CEP72: variants seen among roughly 807,000 people sequenced by gnomAD.
CEP72 encodes centrosomal protein 72.
A neutral mutation model predicts 65.7 loss-of-function variants in CEP72; 78 were observed. The observed-to-expected ratio is 1.19, with a 90% CI of 0.99 to 1.43. CEP72 has a LOEUF of 1.43. CEP72 is among the 40% of genes most tolerant of loss of function. The pLI is 0.00. For synonymous variants in CEP72, 358 were observed against 351.7 expected (o/e 1.02, Z -0.20); for missense variants, 914 against 832.9 (o/e 1.10, Z -1.20).
At chr5:646,403 T>C (rs1738427915) in intron 10 of CEP72, among the ~76,000 whole-genome samples, 1 of 152,238 alleles carries the variant, frequency 6.6e-6, no homozygotes, top group African/African-American at 2.4e-5. Flanking sequence ...GCTTCAATAC[T>C]TTCTGCTGCT....
At chr5:625,494 G>A (rs919282199) in intron 4 of CEP72, among the ~76,000 whole-genome samples, 2 of 152,234 alleles carry the variant, frequency 1.3e-5, no homozygotes, top group South Asian at 2.1e-4. Context: ...TTGGCAGCAC[G>A]GAAGCCAGGA....
rs948247794 is a variant in CEP72, at chr5:624,283, C to A, written c.404-188C>A. Among the ~76,000 whole-genome samples the A allele has an allele frequency of 6.6e-6, 1 of 152,194 alleles. No homozygotes were observed. The highest frequency in any genetic ancestry group is 1.5e-5 in the Non-Finnish European group (1 of 68,034). On this transcript the variant is annotated intron_variant, in intron 3 of 11. Transcript: ENST00000264935. The surrounding 1 kb of genome is among the most constrained non-coding windows in gnomAD (Gnocchi z 4.7). ...GCAGTGAGCTCTGAGGGACAGGCGG[C>A]CTCAGCACCACGCTGGGCATCGCCG...
intron 4 of CEP72, among the ~76,000 whole-genome samples, chr5:625,186 C>A (rs1179793196): frequency 3.3e-5 from 5 of 152,156 alleles, no homozygotes; most frequent in Non-Finnish European, 7.3e-5. Flanking sequence ...TGCGTGTATC[C>A]CAAAACCCTA....
chr5:673,753 C>G, the CEP72 span, among the ~76,000 whole-genome samples: 1 of 152,184 alleles, frequency 6.6e-6, no homozygotes, highest in East Asian at 1.9e-4. Flanking sequence ...GGGGGCCAAG[C>G]TTTAGCCCCC....
chr5:616,031 A>AT (rs903193126), intron 1 of CEP72, among the ~76,000 whole-genome samples: 24 of 152,126 alleles, frequency 1.6e-4, no homozygotes, highest in South Asian at 1.0e-3. Flanking sequence ...TAATATTATG[A>AT]TTTTTTTTAA....
At chr5:635,663 C>G (rs1336309273) in intron 6 of CEP72, 79 bp downstream of exon 6, 1 of 1,180,620 alleles carries the variant, frequency 8.5e-7, no homozygotes, top group East Asian at 2.4e-5. Flanking sequence ...AGAACAGAAG[C>G]TTATGTGGCT....
intron 10 of CEP72, 119 bp downstream of exon 10, chr5:644,544 T>G (rs1580005779): frequency 3.3e-6 from 4 of 1,205,908 alleles, no homozygotes; most frequent in Non-Finnish European, 3.6e-6. Flanking sequence ...AGTTGGTAAG[T>G]GGGGAGCCGA....
In CEP72 at chr5:640,465, C is replaced by G. The variant is rs754900239; in HGVS notation, c.1400C>G (p.Ser467Cys). 14 of 1,614,126 alleles carry G rather than the reference C, an allele frequency of 8.7e-6. No individual in the cohort carries two copies. In the South Asian group the frequency reaches 1.4e-4, roughly 16 times the overall value. ...VEEFTAAQDS[S>C]AMVGEDVGSL... ...GAATTCACAGCAGCTCAGGACAGCT[C>G]TGCGATGGTGGGTGAAGATGTCGGC... Residue 467 changes from serine to cysteine, a missense_variant, in exon 9 of 12, where the codon TCT (serine) becomes TGT (cysteine). Physicochemically the swap from Ser to Cys is moderately radical, Grantham distance 112 (BLOSUM62 -1). Coordinates refer to ENST00000264935, the MANE Select transcript of CEP72 (RefSeq NM_018140.4).
the CEP72 span, among the ~76,000 whole-genome samples, chr5:673,252 C>G: frequency 6.6e-6 from 1 of 152,212 alleles, no homozygotes; most frequent in Non-Finnish European, 1.5e-5. Flanking sequence ...TGGCCCTGCT[C>G]CTCTCTCTTC....
intron 11 of CEP72, among the ~76,000 whole-genome samples, chr5:652,547 T>A (rs571603925): frequency 6.6e-6 from 1 of 152,348 alleles, no homozygotes; most frequent in African/African-American, 2.4e-5. Context: ...CTAGGACTCT[T>A]CTATTGCACT....
At chr5:675,388 AGGGTGCAGTGTGGCCAG>A in the CEP72 span, among the ~76,000 whole-genome samples, 11 of 13,808 alleles carry the variant, frequency 8.0e-4, no homozygotes, top group South Asian at 8.9e-3. Context: ...TGCAGCGCAG[AGGGTGCAGTGTGGCCAG>A]GGGTGCAGTG....
the CEP72 span, among the ~76,000 whole-genome samples, chr5:673,103 G>T: frequency 5.3e-5 from 8 of 152,144 alleles, no homozygotes. Flanking sequence ...CCTGAGGGAG[G>T]CAGAGGCTCC....
At chr5:646,847 G>A (rs1010100589) in intron 10 of CEP72, among the ~76,000 whole-genome samples, 6 of 152,222 alleles carry the variant, frequency 3.9e-5, no homozygotes, top group East Asian at 1.9e-4. Flanking sequence ...TGGACATGAT[G>A]TGTGACTTGT....
At chr5:627,364 A>G (rs946163591) in intron 4 of CEP72, among the ~76,000 whole-genome samples, 2 of 152,038 alleles carry the variant, frequency 1.3e-5, no homozygotes, top group Non-Finnish European at 2.9e-5. Context: ...CTTTTTTCTT[A>G]GTTAACATTT....
the CEP72 span, among the ~76,000 whole-genome samples, chr5:672,737 G>A: frequency 6.6e-6 from 1 of 152,208 alleles, no homozygotes; most frequent in African/African-American, 2.4e-5. Flanking sequence ...CACCGCCCGT[G>A]GTCCGGTCCC....
At chr5:636,589 T>A (rs1293304564) in intron 6 of CEP72, among the ~76,000 whole-genome samples, 1 of 152,066 alleles carries the variant, frequency 6.6e-6, no homozygotes, top group Non-Finnish European at 1.5e-5. Context: ...GGCAGGCGGA[T>A]CATTTGAGGT....
At chr5:639,778 C>T (rs1030457853) in intron 8 of CEP72, among the ~76,000 whole-genome samples, 10 of 152,234 alleles carry the variant, frequency 6.6e-5, no homozygotes, top group Admixed American at 6.5e-4. Flanking sequence ...GGGGCACCTT[C>T]TCTTTGTCCT....
intron 1 of CEP72, 130 bp from the exon 2 acceptor site, chr5:618,860 C>G: frequency 1.4e-6 from 1 of 735,852 alleles, no homozygotes; most frequent in East Asian, 2.7e-5. Context: ...GATTCAGGAG[C>G]CTGAGTAAAG....
At chr5:644,076 A>G in intron 9 of CEP72, 1 of 521,238 alleles carries the variant, frequency 1.9e-6, no homozygotes, top group Admixed American at 3.4e-5. Context: ...GCTCCTTTCC[A>G]TCCCTCTCCT....
Sources: allele counts gnomAD v4.1 joint callset (sites outside exome capture counted in the v4.1 genomes callset), GRCh38; gene constraint gnomAD v4.1.1; non-coding constraint Gnocchi (gnomAD v3.1); transcripts MANE v1.5; gene names NCBI Gene and HGNC (gene_info 2026-07-23, HGNC 2026-07-21).